The following GDPD5 variants were observed in gnomAD, a reference collection of about 807,000 sequenced individuals.
GDPD5 encodes glycerophosphodiester phosphodiesterase domain containing 5.
In GDPD5, 48 loss-of-function variants were observed where a neutral mutation model predicts 75.1. The ratio of observed to expected loss-of-function variants is 0.64; its 90% CI spans 0.51 to 0.81. GDPD5 has a LOEUF of 0.81. Among genes scored for constraint, GDPD5 ranks in the 40% least tolerant of loss-of-function variants. GDPD5 has a pLI of 0.00. For missense variants in GDPD5, 706 were observed against 822.6 expected (o/e 0.86, Z 1.73); for synonymous variants, 336 against 339.0 (o/e 0.99, Z 0.10).
At chr11:75,517,795 C>T (rs1950673448) in intron 1 of GDPD5, among the ~76,000 whole-genome samples, 1 of 149,292 alleles carries the variant, frequency 6.7e-6, no homozygotes, top group Non-Finnish European at 1.5e-5. Context: ...CCCTGGACAC[C>T]CTCCCCTAGA....
chr11:75,445,855 A>AT (rs1212783505), intron 9 of GDPD5, among the ~76,000 whole-genome samples: 3 of 152,222 alleles, frequency 2.0e-5, no homozygotes, highest in African/African-American at 7.2e-5. Context: ...ATGGGCTAAC[A>AT]TTATCAACCT....
chr11:75,474,543 G>A (rs1037905369), intron 3 of GDPD5, among the ~76,000 whole-genome samples: 3 of 152,222 alleles, frequency 2.0e-5, no homozygotes, highest in East Asian at 1.9e-4. Context: ...GGGGGCAAGA[G>A]AAGAGGCCAT....
chr11:75,512,139 C>A (rs1246662775), intron 1 of GDPD5, among the ~76,000 whole-genome samples: 3 of 152,194 alleles, frequency 2.0e-5, no homozygotes, highest in Non-Finnish European at 4.4e-5. Flanking sequence ...TGGAAGAATG[C>A]ACAGACAGAA....
chr11:75,493,229 T>TCACACACA (rs71036055), intron 1 of GDPD5, among the ~76,000 whole-genome samples: 13,654 of 140,802 alleles, frequency 0.097, 692 homozygotes, highest in East Asian at 0.14. Flanking sequence ...CCCACACATC[T>TCACACACA]CACACACACA....
chr11:75,442,403 G>C lies in GDPD5; in HGVS notation c.1127C>G (p.Thr376Ser), dbSNP rs1197369071. 2.6e-5 allele frequency: 42 copies of C among 1,592,532 alleles called. No individual in the cohort carries two copies. The highest frequency in any genetic ancestry group is 3.6e-5 in the Non-Finnish European group (42 of 1,169,948). The change falls in exon 12 of 17, where the codon ACT becomes AGT. Residue 376 changes from threonine to serine, a missense_variant. Transcript: ENST00000336898. ...HPYRSSFINV[T>S]LEAVLHSGFP... ...GCCGGAGTGCAGCACGGCCTCCAGA[G>C]TCACGTTGATAAAACTGCTGCGGTA...
intron 15 of GDPD5, chr11:75,437,941 A>G (rs1306328573): frequency 6.6e-6 from 1 of 152,216 alleles, no homozygotes; most frequent in African/African-American, 2.4e-5. Context: ...GGGGTGATCA[A>G]CTTGGGAACA....
chr11:75,497,476 C>A (rs1950231995), intron 1 of GDPD5, among the ~76,000 whole-genome samples: 1 of 152,170 alleles, frequency 6.6e-6, no homozygotes, highest in South Asian at 2.1e-4. Flanking sequence ...CCCTGCCTGC[C>A]TCCTGGACAG....
chr11:75,444,039 TTA>T (rs1450640627), intron 10 of GDPD5, among the ~76,000 whole-genome samples: 11 of 152,228 alleles, frequency 7.2e-5, no homozygotes, highest in Admixed American at 5.2e-4. Flanking sequence ...TAATATCTAC[TTA>T]TATATGTACA....
chr11:75,483,002 C>T (rs1949949581), intron 2 of GDPD5, among the ~76,000 whole-genome samples: 2 of 152,200 alleles, frequency 1.3e-5, no homozygotes, highest in Non-Finnish European at 2.9e-5. Flanking sequence ...GCTACTTACA[C>T]CACACTCGGC....
At chr11:75,451,281 G>A (rs1949143766) in intron 6 of GDPD5, 1 of 152,342 alleles carries the variant, frequency 6.6e-6, no homozygotes, top group Middle Eastern at 3.2e-3. Flanking sequence ...CAGGTGAGGA[G>A]CTGGAAGGGC....
chr11:75,503,802 C>T (rs1457609240), intron 1 of GDPD5, among the ~76,000 whole-genome samples: 1 of 152,212 alleles, frequency 6.6e-6, no homozygotes, highest in Non-Finnish European at 1.5e-5. Context: ...TCAGAGGAGA[C>T]TAGCAGGTGC....
intron 1 of GDPD5, among the ~76,000 whole-genome samples, chr11:75,520,794 C>T (rs1950739292): frequency 6.6e-6 from 1 of 152,246 alleles, no homozygotes; most frequent in Non-Finnish European, 1.5e-5. Flanking sequence ...GGAGGAGAAG[C>T]TGGCTGCCCT....
chr11:75,466,293 G>C (rs1373833334), intron 3 of GDPD5, among the ~76,000 whole-genome samples: 2 of 152,208 alleles, frequency 1.3e-5, no homozygotes, highest in African/African-American at 4.8e-5. Flanking sequence ...CCAGCACAGA[G>C]GGAGGCAGGC....
Position 75,477,750 on chromosome 11 carries a change from C to A in GDPD5, c.-15G>T, listed in dbSNP as rs147772627. 4,950 of 1,532,352 alleles carry A rather than the reference C, an allele frequency of 3.2e-3. 27 individuals are homozygous for A. Among genetic ancestry groups the A allele is most frequent in the Middle Eastern group, 0.025 (122 of 4,812 alleles). The allele number at this position is 1,532,352 out of a possible 1,614,324, so 94.9% of individuals were successfully genotyped here. ...TGTCTCACCATACTCGTGCCCACGG[C>A]CCTGGCGCCTGGCCCTCAGGCGCCC... On this transcript the variant is annotated 5_prime_UTR_variant, in exon 3 of 17. Coordinates refer to ENST00000336898, the MANE Select transcript of GDPD5 (RefSeq NM_030792.8).
At chr11:75,491,148 A>T (rs557383) in intron 1 of GDPD5, among the ~76,000 whole-genome samples, 50,636 of 151,910 alleles carry the variant, frequency 0.33, 10,664 homozygotes, top group Non-Finnish European at 0.49. Context: ...ATAACCAAAC[A>T]CACACCTCTG....
At chr11:75,518,846 T>A (rs886448311) in intron 1 of GDPD5, among the ~76,000 whole-genome samples, 3 of 152,120 alleles carry the variant, frequency 2.0e-5, no homozygotes, top group Non-Finnish European at 2.9e-5. Flanking sequence ...TTGAGCCTCC[T>A]GGGTGAGAGA....
chr11:75,484,119 C>T (rs1400701270), intron 2 of GDPD5, among the ~76,000 whole-genome samples: 2 of 152,050 alleles, frequency 1.3e-5, no homozygotes, highest in East Asian at 3.9e-4. Context: ...ACCCAGGAGG[C>T]GGAGGTTGCA....
intron 1 of GDPD5, among the ~76,000 whole-genome samples, chr11:75,495,057 G>A (rs1294646755): frequency 6.6e-6 from 1 of 152,070 alleles, no homozygotes; most frequent in Non-Finnish European, 1.5e-5. Context: ...CACAAGGTCA[G>A]GAGCTCGAGA....
chr11:75,468,031 G>C (rs1216482332), intron 3 of GDPD5, among the ~76,000 whole-genome samples: 1 of 152,170 alleles, frequency 6.6e-6, no homozygotes, highest in African/African-American at 2.4e-5. Flanking sequence ...CACGACTGCA[G>C]CCGCAAACCC....
Sources: gnomAD v4.1 joint callset for allele counts (sites outside exome capture counted in the v4.1 genomes callset) on GRCh38, gnomAD v4.1.1 for gene constraint, MANE v1.5 for transcripts, NCBI Gene and HGNC (gene_info 2026-07-23, HGNC 2026-07-21) for gene names.